AUTS2: variants seen among roughly 807,000 people sequenced by gnomAD.
AUTS2 encodes the protein autism susceptibility gene 2 protein.
A neutral mutation model predicts 112.4 loss-of-function variants in AUTS2; 17 were observed. That is an observed-to-expected ratio of 0.15 (90% CI 0.10 to 0.23). The LOEUF (loss-of-function observed/expected upper bound fraction) is 0.23, where lower values mean the gene tolerates loss of function less well. Ranked by LOEUF, AUTS2 falls within the 10% of genes least tolerant of loss-of-function variation. The pLI is 1.00. For missense variants in AUTS2, 1,510 were observed against 1,701.6 expected, an observed-to-expected ratio of 0.89 and a Z score of 1.98; for synonymous variants, 751 against 702.7, an observed-to-expected ratio of 1.07 and a Z score of -1.09.
intron 4 of AUTS2, among the ~76,000 whole-genome samples, chr7:70,384,752 A>G (rs964976999): frequency 2.6e-5 from 4 of 152,182 alleles, no homozygotes; most frequent in African/African-American, 7.2e-5. Flanking sequence ...AGGGATCTAG[A>G]GTTTGTTTGG....
intron 1 of AUTS2, among the ~76,000 whole-genome samples, chr7:69,626,414 C>T (rs1793950540): frequency 6.6e-6 from 1 of 152,076 alleles, no homozygotes; most frequent in Non-Finnish European, 1.5e-5. Flanking sequence ...CCACAGTCCC[C>T]ACAGTTTAGC....
At chr7:70,206,904 A>AT (rs901171358) in intron 4 of AUTS2, among the ~76,000 whole-genome samples, 27 of 151,164 alleles carry the variant, frequency 1.8e-4, no homozygotes, top group African/African-American at 3.6e-4. Flanking sequence ...TTTTTTCCTT[A>AT]TTTTTTTTTC....
intron 2 of AUTS2, among the ~76,000 whole-genome samples, chr7:69,921,695 C>CTTG (rs1450104477): frequency 6.9e-6 from 1 of 144,652 alleles, no homozygotes; most frequent in East Asian, 2.0e-4. Context: ...TGCTTGAACC[C>CTTG]AGGAGGCAGT....
At chr7:70,756,024 GA>G in intron 6 of AUTS2, among the ~76,000 whole-genome samples, 1 of 151,844 alleles carries the variant, frequency 6.6e-6, no homozygotes, top group East Asian at 1.9e-4. Context: ...CCTCAATTTT[GA>G]AAGTTAAAAG....
chr7:69,744,204 TCTG>T (rs1167787416), intron 1 of AUTS2, among the ~76,000 whole-genome samples: 2 of 152,220 alleles, frequency 1.3e-5, no homozygotes, highest in South Asian at 4.1e-4. Context: ...GTTTAGCCGT[TCTG>T]CTGGCGATGG....
chr7:70,621,552 T>G (rs1357226586), intron 5 of AUTS2, among the ~76,000 whole-genome samples: 2 of 152,220 alleles, frequency 1.3e-5, no homozygotes, highest in African/African-American at 4.8e-5. Context: ...TTAGTTTTTC[T>G]GATTTCATGT....
rs71068004 is a variant in AUTS2 at position 69,978,859 on chromosome 7, A to AACACACACACACACACAC, written c.522+79386_522+79403dup. On this transcript the variant is annotated intron_variant, in intron 2 of 18. Coordinates refer to ENST00000342771, the MANE Select transcript of AUTS2 (RefSeq NM_015570.4). ...AAGACCCTGTCTGTCTCAAAGAAAC[A>AACACACACACACACACAC]ACACACACACACACACACACACACA... 9.9e-4 allele frequency among the ~76,000 whole-genome samples: 128 copies of AACACACACACACACACAC among 129,714 alleles called. 1 individual carries two copies. Among genetic ancestry groups the AACACACACACACACACAC allele is most frequent in the Admixed American group, 1.6e-3 (20 of 12,612 alleles). 85.1% of individuals were successfully genotyped at this position (129,714 alleles called of 152,430 possible). A position where few individuals can be genotyped will look rare whatever the true frequency, so the allele number is the denominator to read the frequency against.
rs574229779 is a variant in AUTS2 at position 70,005,952 on chromosome 7, G to A, written c.522+106454G>A. ...CTTTGAAATTCTGCAGTTGGATTGT[G>A]TATATATTGTGTATAATGTTACCTC... On this transcript the variant is annotated intron_variant, in intron 2 of 18. Transcript: ENST00000342771. Among the ~76,000 whole-genome samples, 4 of 152,268 alleles carry A rather than the reference G, an allele frequency of 2.6e-5. No homozygotes were observed. In the South Asian group the frequency reaches 8.3e-4, roughly 32 times the overall value.
chr7:70,581,342 C>A (rs765446832), intron 5 of AUTS2, among the ~76,000 whole-genome samples: 1 of 152,088 alleles, frequency 6.6e-6, no homozygotes, highest in Non-Finnish European at 1.5e-5. Context: ...GCCGAGATTG[C>A]GCCATTGCAT....
At chr7:69,710,358 G>A (rs141876933) in intron 1 of AUTS2, among the ~76,000 whole-genome samples, 12 of 152,294 alleles carry the variant, frequency 7.9e-5, no homozygotes, top group Non-Finnish European at 1.8e-4. Context: ...GTTACTAGTT[G>A]TATGTTCTAG....
chr7:70,070,298 G>T (rs1802694775), intron 2 of AUTS2, among the ~76,000 whole-genome samples: 1 of 151,968 alleles, frequency 6.6e-6, no homozygotes, highest in Non-Finnish European at 1.5e-5. Context: ...TTCAATGGAT[G>T]CTGGGCGCAG....
intron 14 of AUTS2, among the ~76,000 whole-genome samples, chr7:70,778,914 C>T (rs556431388): frequency 2.6e-5 from 4 of 152,304 alleles, no homozygotes; most frequent in Admixed American, 1.3e-4. Flanking sequence ...GGATGTTGCA[C>T]GTGCCACTTT....
intron 2 of AUTS2, among the ~76,000 whole-genome samples, chr7:70,066,254 C>T (rs1017203630): frequency 6.6e-6 from 1 of 152,088 alleles, no homozygotes; most frequent in Admixed American, 6.5e-5. Context: ...TTTTGACTAC[C>T]TTCTTAATAG....
At chr7:69,942,877 C>G (rs1199576530) in intron 2 of AUTS2, among the ~76,000 whole-genome samples, 1 of 152,166 alleles carries the variant, frequency 6.6e-6, no homozygotes, top group Non-Finnish European at 1.5e-5. Context: ...AATATGCTTG[C>G]CAATAGAAAA....
intron 2 of AUTS2, among the ~76,000 whole-genome samples, chr7:70,048,963 G>A (rs989660569): frequency 6.6e-6 from 1 of 152,184 alleles, no homozygotes. Flanking sequence ...TTAAATATTA[G>A]TAAGTAGTCA....
chr7:70,228,883 C>A (rs190955353), intron 4 of AUTS2, among the ~76,000 whole-genome samples: 15 of 152,008 alleles, frequency 9.9e-5, no homozygotes, highest in Admixed American at 9.2e-4. Context: ...TGTATGATTT[C>A]TTTCAACATA....
chr7:69,931,626 G>C (rs181551467), intron 2 of AUTS2, among the ~76,000 whole-genome samples: 1 of 152,126 alleles, frequency 6.6e-6, no homozygotes. Context: ...ACTTGGTGAG[G>C]ATCAGTCAGG....
intron 5 of AUTS2, among the ~76,000 whole-genome samples, chr7:70,670,006 T>TC (rs1807552363): frequency 6.6e-6 from 1 of 152,184 alleles, no homozygotes; most frequent in African/African-American, 2.4e-5. Flanking sequence ...TTTTTACTCT[T>TC]CAACAAAACA....
At chr7:69,948,078 T>C (rs948228791) in intron 2 of AUTS2, among the ~76,000 whole-genome samples, 3 of 152,230 alleles carry the variant, frequency 2.0e-5, no homozygotes, top group Admixed American at 6.5e-5. Flanking sequence ...TAGGGAATTA[T>C]TTAATAAATG....
Sources: gnomAD v4.1 joint callset for allele counts (sites outside exome capture counted in the v4.1 genomes callset) on GRCh38, gnomAD v4.1.1 for gene constraint, MANE v1.5 for transcripts, NCBI Gene and HGNC (gene_info 2026-07-23, HGNC 2026-07-21) for gene names.